The following DIP2C variants were observed in gnomAD, a reference collection of about 807,000 sequenced individuals.
DIP2C encodes the protein disco-interacting protein 2 homolog C.
A neutral mutation model predicts 192.4 loss-of-function variants in DIP2C; 33 were observed. That is an observed-to-expected ratio of 0.17 (90% CI 0.13 to 0.23). The LOEUF is 0.23. Ranked by LOEUF, DIP2C falls within the 10% of genes least tolerant of loss-of-function variation. DIP2C has a pLI of 1.00. For missense variants in DIP2C, 1,537 were observed against 2,110.1 expected, an observed-to-expected ratio of 0.73 and a Z score of 5.32; for synonymous variants, 979 against 864.1, an observed-to-expected ratio of 1.13 and a Z score of -2.33.
chr10:480,668 T>TC (rs144749345), intron 2 of DIP2C, among the ~76,000 whole-genome samples: 5,702 of 152,314 alleles, frequency 0.037, 212 homozygotes, highest in African/African-American at 0.092. Context: ...TCAGCTGCAC[T>TC]CCCTCCATAG....
At position 409,316 on chromosome 10, in the gene DIP2C, G is replaced by C. The variant is rs917032072; in HGVS notation, c.1058-299C>G. Among the ~76,000 whole-genome samples the C allele has an allele frequency of 4.6e-5, 7 of 152,098 alleles. No homozygotes were observed. The South Asian group carries it at 1.0e-3, about 23-fold the overall frequency. On this transcript the variant is annotated intron_variant, in intron 8 of 36. Transcript: ENST00000280886. ...CTGTCTGTGATGTGGGGGTGGCGAGGGGGGGCGCGGACAGTGCACACACCG... is the reference window on the plus strand; with the variant it reads ...CTGTCTGTGATGTGGGGGTGGCGAGCGGGGGCGCGGACAGTGCACACACCG...
At chr10:502,814 G>C (rs1475322978) in intron 1 of DIP2C, among the ~76,000 whole-genome samples, 1 of 152,090 alleles carries the variant, frequency 6.6e-6, no homozygotes, top group Non-Finnish European at 1.5e-5. Flanking sequence ...ACTGAAGAAA[G>C]AAAGGAAAGA....
chr10:382,745 G>A lies in DIP2C; in HGVS notation c.1893C>T (p.Cys631=), dbSNP rs778666245. 27 of 1,612,238 alleles carry A rather than the reference G, an allele frequency of 1.7e-5. No individual in the cohort carries two copies. The highest frequency in any genetic ancestry group is 5.0e-5 in the Admixed American group (3 of 59,786). ...DGANPWSISS[C]DAFLNVFQSK... ...TTTGGAAGACATTGAGAAATGCATC[G>A]CAAGAAGAAATAGACCCTAGAGTGA... Residue 631 remains cysteine (C), a synonymous_variant, in exon 17 of 37, where the codon TGC becomes TGT. Transcript: ENST00000280886.
chr10:344,604 T>C (rs1958334819), intron 28 of DIP2C, among the ~76,000 whole-genome samples: 1 of 152,240 alleles, frequency 6.6e-6, no homozygotes, highest in Non-Finnish European at 1.5e-5. Context: ...AAAAACATAC[T>C]TGGGGCATTT....
chr10:399,372 TCA>T (rs1964235634), intron 9 of DIP2C, among the ~76,000 whole-genome samples, 153 bp from the exon 10 acceptor site: 1 of 152,188 alleles, frequency 6.6e-6, no homozygotes, highest in African/African-American at 2.4e-5. Flanking sequence ...TTAATAAGCA[TCA>T]CACACCCGGC....
chr10:485,063 G>A lies in DIP2C; in HGVS notation c.157+1396C>T, dbSNP rs1843908920. On this transcript the variant is annotated intron_variant, in intron 2 of 36. Transcript: ENST00000280886. ...AGGACAGCACACAGACCACCAAGGG[G>A]ACCACAGGGCACGACCGCCCTCTGC... 4.5e-6 allele frequency: 6 copies of A among 1,333,262 alleles called. No individual in the cohort carries two copies. In the Admixed American group the frequency reaches 7.5e-5, roughly 17 times the overall value. 82.6% of individuals were successfully genotyped at this position (1,333,262 alleles called of 1,614,324 possible).
intron 1 of DIP2C, among the ~76,000 whole-genome samples, chr10:544,614 G>C (rs1012024472): frequency 6.6e-6 from 1 of 151,882 alleles, no homozygotes; most frequent in African/African-American, 2.4e-5. Flanking sequence ...CCAGTACTGG[G>C]GTTTTACCCA....
chr10:543,652 C>G (rs1848123311), intron 1 of DIP2C, among the ~76,000 whole-genome samples: 1 of 152,316 alleles, frequency 6.6e-6, no homozygotes, highest in Middle Eastern at 3.4e-3. Flanking sequence ...AAGTTTAACT[C>G]TCTGGGGACA....
At chr10:517,348 G>A (rs1015461859) in intron 1 of DIP2C, among the ~76,000 whole-genome samples, 14 of 152,154 alleles carry the variant, frequency 9.2e-5, no homozygotes, top group Admixed American at 1.3e-4. Flanking sequence ...CAGACATTAG[G>A]TGAAGGAACA....
chr10:354,137 C>T (rs893004319), intron 24 of DIP2C, among the ~76,000 whole-genome samples: 1 of 152,196 alleles, frequency 6.6e-6, no homozygotes, highest in African/African-American at 2.4e-5. Context: ...GCCTTGGAAA[C>T]AGCTCACACC....
At chr10:344,388 C>T (rs1159963042) in intron 28 of DIP2C, among the ~76,000 whole-genome samples, 5 of 1,288 alleles carry the variant, frequency 3.9e-3, no homozygotes, top group African/African-American at 0.022. Context: ...AAGGGTGGGG[C>T]GGGGGCGGGG....
intron 1 of DIP2C, among the ~76,000 whole-genome samples, chr10:621,497 A>C (rs1455830233): frequency 2.7e-5 from 4 of 145,720 alleles, no homozygotes; most frequent in African/African-American, 5.2e-5. Flanking sequence ...ATGAGCACAC[A>C]CCCCCCAGGG....
At chr10:278,579 T>G (rs1269385704) in intron 36 of DIP2C, among the ~76,000 whole-genome samples, 1 of 152,214 alleles carries the variant, frequency 6.6e-6, no homozygotes, top group African/African-American at 2.4e-5. Context: ...GTGGGGACAT[T>G]GTAACAACTC....
At chr10:327,244 T>C in intron 30 of DIP2C, 68 bp from the exon 31 acceptor site, 1 of 1,529,878 alleles carries the variant, frequency 6.5e-7, no homozygotes, top group South Asian at 1.3e-5. Flanking sequence ...CAGAGACTCC[T>C]TCCCACAGAT....
At chr10:323,655 T>C (rs1207263145) in intron 31 of DIP2C, among the ~76,000 whole-genome samples, 1 of 152,234 alleles carries the variant, frequency 6.6e-6, no homozygotes, top group Non-Finnish European at 1.5e-5. Flanking sequence ...TGTGATTATC[T>C]CAGGGTAGAT....
At chr10:307,675 G>A (rs1034470436) in intron 32 of DIP2C, among the ~76,000 whole-genome samples, 2 of 152,126 alleles carry the variant, frequency 1.3e-5, no homozygotes, top group South Asian at 2.1e-4. Flanking sequence ...AGAACATCGC[G>A]GAGAAAAAAA....
At chr10:409,232 C>T (rs1325470758) in intron 8 of DIP2C, among the ~76,000 whole-genome samples, 1 of 151,800 alleles carries the variant, frequency 6.6e-6, no homozygotes, top group African/African-American at 2.4e-5. Context: ...AAAGACAAAA[C>T]TTCAGGAGAG....
chr10:317,998 T>A (rs1188786727), intron 31 of DIP2C, among the ~76,000 whole-genome samples: 1 of 152,166 alleles, frequency 6.6e-6, no homozygotes, highest in Non-Finnish European at 1.5e-5. Flanking sequence ...ACGGTCATGG[T>A]AATTCCAGAG....
chr10:390,689 C>T (rs903348908), intron 11 of DIP2C, 51 bp downstream of exon 11: 1 of 1,586,528 alleles, frequency 6.3e-7, no homozygotes, highest in East Asian at 2.2e-5. Context: ...CCGCACCCGT[C>T]TTCTGACAAA....
Sources: allele counts gnomAD v4.1 joint callset (sites outside exome capture counted in the v4.1 genomes callset), GRCh38; gene constraint gnomAD v4.1.1; transcripts MANE v1.5; gene names NCBI Gene and HGNC (gene_info 2026-07-23, HGNC 2026-07-21).